Variants in HS6ST3 observed in about 807,000 individuals in gnomAD.
HS6ST3 encodes the protein heparan sulfate 6-O-sulfotransferase 3.
HS6ST3 carries 12 observed loss-of-function variants against 36.7 expected under a neutral mutation model. The ratio of observed to expected loss-of-function variants is 0.33; its 90% CI spans 0.21 to 0.53. The LOEUF (loss-of-function observed/expected upper bound fraction) is 0.53. HS6ST3 is among the 20% of genes least tolerant of loss of function. The pLI is 0.95. For missense variants in HS6ST3, 584 were observed against 640.9 expected (o/e 0.91, Z 0.96); for synonymous variants, 240 against 257.5 (o/e 0.93, Z 0.65).
At chr13:96,153,204 C>T (rs927237678) in intron 1 of HS6ST3, among the ~76,000 whole-genome samples, 3 of 152,162 alleles carry the variant, frequency 2.0e-5, no homozygotes, top group African/African-American at 7.2e-5. Context: ...TTAACATTTC[C>T]CACAGTGGCC....
chr13:96,368,601 A>T (rs1456177499), intron 1 of HS6ST3, among the ~76,000 whole-genome samples: 1 of 152,294 alleles, frequency 6.6e-6, no homozygotes, highest in Non-Finnish European at 1.5e-5. Flanking sequence ...ACAGAAACAT[A>T]ATAAAACTGA....
chr13:96,767,698 T>C (rs752161194), intron 1 of HS6ST3, among the ~76,000 whole-genome samples: 39 of 152,322 alleles, frequency 2.6e-4, no homozygotes, highest in Middle Eastern at 6.8e-3. Flanking sequence ...TGATGCCATG[T>C]GGAAGGGATA....
intron 1 of HS6ST3, among the ~76,000 whole-genome samples, chr13:96,688,952 C>T (rs986352897): frequency 6.6e-6 from 1 of 152,048 alleles, no homozygotes; most frequent in African/African-American, 2.4e-5. Context: ...TTTCGATCAC[C>T]TCCATCCAAA....
intron 1 of HS6ST3, among the ~76,000 whole-genome samples, chr13:96,598,933 T>C (rs1470291379): frequency 6.6e-6 from 1 of 152,166 alleles, no homozygotes; most frequent in Non-Finnish European, 1.5e-5. Context: ...GATGATCATA[T>C]GGTTTTGGTT....
chr13:96,299,007 G>GTA (rs1566315783), intron 1 of HS6ST3, among the ~76,000 whole-genome samples: 1 of 152,152 alleles, frequency 6.6e-6, no homozygotes, highest in African/African-American at 2.4e-5. Flanking sequence ...GAAGTTTAAA[G>GTA]GTACCCTGTT....
intron 1 of HS6ST3, among the ~76,000 whole-genome samples, chr13:96,691,980 A>G (rs904500066): frequency 1.3e-5 from 2 of 152,264 alleles, no homozygotes; most frequent in Non-Finnish European, 2.9e-5. Flanking sequence ...GCCTAAGCCT[A>G]AATACAGTAT....
chr13:96,331,519 G>T (rs1245982383), intron 1 of HS6ST3, among the ~76,000 whole-genome samples: 2 of 152,166 alleles, frequency 1.3e-5, no homozygotes, highest in African/African-American at 4.8e-5. Context: ...GGACCCACTT[G>T]AGGAGGCAGT....
chr13:96,254,082 C>A, intron 1 of HS6ST3, among the ~76,000 whole-genome samples: 1 of 151,984 alleles, frequency 6.6e-6, no homozygotes, highest in East Asian at 1.9e-4. Flanking sequence ...GTATAGGTTA[C>A]AAATATAACT....
intron 1 of HS6ST3, among the ~76,000 whole-genome samples, chr13:96,348,525 C>T (rs2055166687): frequency 6.6e-6 from 1 of 152,124 alleles, no homozygotes; most frequent in Admixed American, 6.6e-5. Flanking sequence ...ATTGTTTTTT[C>T]CAAATAACTA....
chr13:96,597,713 G>A (rs898934689), intron 1 of HS6ST3, among the ~76,000 whole-genome samples: 2 of 151,638 alleles, frequency 1.3e-5, no homozygotes, highest in South Asian at 2.1e-4. Context: ...TTTCGCATTC[G>A]TTTTTGGAGT....
Position 96,510,062 on chromosome 13 carries a change from C to T in HS6ST3, c.708-322428C>T, listed in dbSNP as rs980220232. ...TCTCCGTGTAGAGATCTTTCACCTC[C>T]TTAGTTAAGTATATTCCTAGGTATT... On this transcript the variant is annotated intron_variant, in intron 1 of 1. Transcript: ENST00000376705. 2.6e-5 allele frequency among the ~76,000 whole-genome samples: 4 copies of T among 151,644 alleles called. No individual in the cohort carries two copies. The East Asian group carries it at 7.8e-4, about 29-fold the overall frequency.
chr13:96,398,998 A>G (rs2055435743), intron 1 of HS6ST3, among the ~76,000 whole-genome samples: 1 of 152,218 alleles, frequency 6.6e-6, no homozygotes, highest in South Asian at 2.1e-4. Context: ...ACAACTTTTG[A>G]GACCCTGAGC....
intron 1 of HS6ST3, among the ~76,000 whole-genome samples, chr13:96,306,954 G>C (rs2054916904): frequency 6.6e-6 from 1 of 152,160 alleles, no homozygotes; most frequent in Non-Finnish European, 1.5e-5. Flanking sequence ...CAACAGATAG[G>C]CAACACTGAT....
At chr13:96,192,765 T>C (rs1032819039) in intron 1 of HS6ST3, among the ~76,000 whole-genome samples, 1 of 152,138 alleles carries the variant, frequency 6.6e-6, no homozygotes, top group African/African-American at 2.4e-5. Flanking sequence ...CTACTTTGGG[T>C]AGATACTCAA....
intron 1 of HS6ST3, among the ~76,000 whole-genome samples, chr13:96,773,023 G>T (rs772743605): frequency 6.6e-6 from 1 of 152,178 alleles, no homozygotes; most frequent in Non-Finnish European, 1.5e-5. Flanking sequence ...GAGCTGAAGT[G>T]GGGGAGGGGT....
intron 1 of HS6ST3, among the ~76,000 whole-genome samples, chr13:96,502,040 T>C (rs2056006569): frequency 6.6e-6 from 1 of 152,156 alleles, no homozygotes. Context: ...GTTAAGGCCT[T>C]GTATGACAGG....
In HS6ST3 at chr13:96,091,549, C is replaced by T. The variant is rs2053764592; in HGVS notation, c.687C>T (p.Pro229=). 1.3e-6 allele frequency: 2 copies of T among 1,582,682 alleles called. No homozygotes were observed. Among genetic ancestry groups the T allele is most frequent in the East Asian group, 4.6e-5 (2 of 43,484 alleles). Residue 229 remains proline (P), a synonymous_variant, in exon 1 of 2, where the codon CCC becomes CCT. Coordinates refer to ENST00000376705, the MANE Select transcript of HS6ST3 (RefSeq NM_153456.4). ...VPAIMEKKDC[P]RNHSHTRNFY... ...CCATCATGGAGAAGAAGGACTGTCCCCGCAACCACAGCCACACCAGGTACT... is the reference window on the plus strand; with the variant it reads ...CCATCATGGAGAAGAAGGACTGTCCTCGCAACCACAGCCACACCAGGTACT...
At chr13:96,760,042 A>C (rs1876926841) in intron 1 of HS6ST3, among the ~76,000 whole-genome samples, 1 of 151,980 alleles carries the variant, frequency 6.6e-6, no homozygotes, top group South Asian at 2.1e-4. Flanking sequence ...TTGTTTTCTT[A>C]AAAATTCAAC....
chr13:96,604,251 T>C (rs1445423095), intron 1 of HS6ST3, among the ~76,000 whole-genome samples: 1 of 152,222 alleles, frequency 6.6e-6, no homozygotes, highest in Non-Finnish European at 1.5e-5. Flanking sequence ...TCATTAATTT[T>C]TTCACACTGT....
Sources: allele counts gnomAD v4.1 joint callset (sites outside exome capture counted in the v4.1 genomes callset), GRCh38; gene constraint gnomAD v4.1.1; transcripts MANE v1.5; gene names NCBI Gene and HGNC (gene_info 2026-07-23, HGNC 2026-07-21).